The following TEX9 variants were observed in gnomAD, a reference collection of about 807,000 sequenced individuals.
TEX9 encodes testis-expressed protein 9.
In TEX9, 74 loss-of-function variants were observed where a neutral mutation model predicts 59.6. That is an observed-to-expected ratio of 1.24 (90% CI 1.03 to 1.51). The LOEUF is 1.51. Ranked by LOEUF, TEX9 falls within the 40% of genes most tolerant of loss-of-function variation. The probability of loss-of-function intolerance (pLI) is 0.00; values close to 1 mark genes in which losing one functional copy is unlikely to be tolerated. For missense variants in TEX9, 522 were observed against 447.8 expected (o/e 1.17, Z -1.49); for synonymous variants, 186 against 152.2 (o/e 1.22, Z -1.64).
intron 10 of TEX9, among the ~76,000 whole-genome samples, chr15:56,416,445 CCTGT>C (rs1366034983): frequency 6.6e-6 from 1 of 151,758 alleles, no homozygotes; most frequent in African/African-American, 2.4e-5. Flanking sequence ...TTATTGAAAG[CCTGT>C]TCTGCATCTA....
At chr15:56,431,811 T>C (rs1475661454) in intron 12 of TEX9, among the ~76,000 whole-genome samples, 7 of 152,030 alleles carry the variant, frequency 4.6e-5, no homozygotes, top group South Asian at 2.1e-4. Context: ...ATTTACTGAA[T>C]GCTTACCATA....
chr15:56,309,994 A>C (rs2045572583), intron 1 of TEX9, among the ~76,000 whole-genome samples: 2 of 152,266 alleles, frequency 1.3e-5, no homozygotes, highest in South Asian at 4.1e-4. Context: ...CCTGCCCTCC[A>C]AAGAGTCTGG....
At chr15:56,339,383 CAAAAAAAAA>C (rs71456382) in intron 1 of TEX9, among the ~76,000 whole-genome samples, 40 of 30,776 alleles carry the variant, frequency 1.3e-3, no homozygotes, top group African/African-American at 3.8e-3. Context: ...ACTCCTTCTC[CAAAAAAAAA>C]AAAAAAAAAA....
At chr15:56,292,176 A>G (rs1462803655) in intron 1 of TEX9, among the ~76,000 whole-genome samples, 1 of 152,244 alleles carries the variant, frequency 6.6e-6, no homozygotes, top group Admixed American at 6.5e-5. Flanking sequence ...ATGCAGCATC[A>G]TGTTCTTGGA....
chr15:56,307,725 T>C (rs2141603967), intron 1 of TEX9, among the ~76,000 whole-genome samples: 1 of 152,342 alleles, frequency 6.6e-6, no homozygotes. Context: ...CTCATTAGCA[T>C]ATACTTGTCA....
At chr15:56,400,275 T>C (rs1384442330) in intron 9 of TEX9, among the ~76,000 whole-genome samples, 5 of 152,114 alleles carry the variant, frequency 3.3e-5, no homozygotes, top group African/African-American at 1.2e-4. Context: ...ATAAACAGTG[T>C]AGAGAAGACC....
chr15:56,263,418 CTT>C, intron 1 of TEX9, among the ~76,000 whole-genome samples: 1 of 152,232 alleles, frequency 6.6e-6, no homozygotes, highest in South Asian at 2.1e-4. Flanking sequence ...ATGTAATTGA[CTT>C]TACGTTTGCC....
At chr15:56,383,851 G>A (rs1198346040) in intron 3 of TEX9, 101 bp from the exon 4 acceptor site, 1 of 811,692 alleles carries the variant, frequency 1.2e-6, no homozygotes, top group African/African-American at 1.7e-5. Context: ...GGAAACCTTG[G>A]ACAATTCTGA....
At chr15:56,259,533 G>A (rs995444890) in intron 1 of TEX9, among the ~76,000 whole-genome samples, 2 of 151,876 alleles carry the variant, frequency 1.3e-5, no homozygotes, top group South Asian at 2.1e-4. Flanking sequence ...AAATTGCAGT[G>A]GCATCATTGT....
intron 1 of TEX9, among the ~76,000 whole-genome samples, chr15:56,340,788 C>A (rs763708753): frequency 6.6e-6 from 1 of 152,176 alleles, no homozygotes; most frequent in Non-Finnish European, 1.5e-5. Flanking sequence ...CTAGTCAAAT[C>A]TGATTGCCAA....
chr15:56,320,259 T>C, intron 1 of TEX9, among the ~76,000 whole-genome samples: 1 of 152,206 alleles, frequency 6.6e-6, no homozygotes, highest in East Asian at 1.9e-4. Flanking sequence ...CAATAGTTTT[T>C]GTTATACCTC....
upstream of TEX9, among the ~76,000 whole-genome samples, chr15:56,360,965 C>G (rs1465624230): frequency 6.6e-6 from 1 of 152,182 alleles, no homozygotes; most frequent in African/African-American, 2.4e-5. Flanking sequence ...TTTTCTGCCT[C>G]CTGACTATCC....
At chr15:56,425,486 A>C (rs188303405) in intron 10 of TEX9, among the ~76,000 whole-genome samples, 5 of 152,210 alleles carry the variant, frequency 3.3e-5, no homozygotes, top group African/African-American at 9.6e-5. Context: ...ATACCTGTAC[A>C]GCTCTGCTGT....
chr15:56,363,469 A>G (rs936159387), upstream of TEX9, among the ~76,000 whole-genome samples: 1 of 151,878 alleles, frequency 6.6e-6, no homozygotes, highest in Non-Finnish European at 1.5e-5. Context: ...GCGCCTGGCT[A>G]TCCATCCTTT....
rs755307419 is a variant in TEX9 at position 56,389,408 on chromosome 15, A to G, written c.395+8A>G. On this transcript the variant is annotated splice_region_variant and intron_variant, in intron 6 of 12. Coordinates refer to ENST00000352903, the Ensembl canonical transcript of TEX9. ...AAGGAAAACAAATTCAAGGTATAGT[A>G]TAGTTTTCAAAGTATTTCTTTTTTT... 5 of 1,574,664 alleles carry G rather than the reference A, an allele frequency of 3.2e-6. No individual in the cohort carries two copies. The highest frequency in any genetic ancestry group is 1.7e-4 in the Middle Eastern group (1 of 5,782).
chr15:56,361,865 G>A (rs2046795554), upstream of TEX9, among the ~76,000 whole-genome samples: 1 of 152,126 alleles, frequency 6.6e-6, no homozygotes, highest in African/African-American at 2.4e-5. Flanking sequence ...AAGCTAGAAA[G>A]AGGCAAAGAA....
At chr15:56,304,861 C>T (rs2045441015) in intron 1 of TEX9, among the ~76,000 whole-genome samples, 5 of 152,002 alleles carry the variant, frequency 3.3e-5, no homozygotes, top group Admixed American at 3.3e-4. Flanking sequence ...TAGCTGAGAC[C>T]ACAGGCATAC....
chr15:56,336,883 C>T (rs1379345869), intron 1 of TEX9, among the ~76,000 whole-genome samples: 2 of 152,120 alleles, frequency 1.3e-5, no homozygotes, highest in East Asian at 1.9e-4. Flanking sequence ...TACCTTTCAG[C>T]GTAGGGCGAT....
intron 1 of TEX9, among the ~76,000 whole-genome samples, chr15:56,269,540 C>G (rs924272506): frequency 6.6e-6 from 1 of 152,080 alleles, no homozygotes; most frequent in African/African-American, 2.4e-5. Flanking sequence ...TCATTGGTTT[C>G]AAAGAACATC....
Sources: allele counts gnomAD v4.1 joint callset (sites outside exome capture counted in the v4.1 genomes callset), GRCh38; gene constraint gnomAD v4.1.1; transcripts MANE v1.5; gene names NCBI Gene and HGNC (gene_info 2026-07-23, HGNC 2026-07-21).